The following ZEB2 variants were observed in gnomAD, a reference collection of about 807,000 sequenced individuals.
ZEB2 encodes the protein zinc finger E-box binding homeobox 2.
ZEB2 carries 6 observed loss-of-function variants against 99.9 expected under a neutral mutation model. That is an observed-to-expected ratio of 0.06 (90% CI 0.03 to 0.12). ZEB2 has a LOEUF of 0.12. ZEB2 is among the 10% of genes least tolerant of loss of function. The pLI, the probability that ZEB2 is intolerant of heterozygous loss-of-function variation, is 1.00. For missense variants in ZEB2, 969 were observed against 1,502.8 expected, an observed-to-expected ratio of 0.64 and a Z score of 5.87; for synonymous variants, 517 against 542.5, an observed-to-expected ratio of 0.95 and a Z score of 0.65.
intron 2 of ZEB2, among the ~76,000 whole-genome samples, chr2:144,475,129 A>T (rs574728952): frequency 6.6e-6 from 1 of 152,318 alleles, no homozygotes; most frequent in African/African-American, 2.4e-5. Flanking sequence ...CTTTGTCATA[A>T]TAAAAGTATG....
chr2:144,485,979 C>A (rs950229030), intron 2 of ZEB2, among the ~76,000 whole-genome samples: 1 of 152,174 alleles, frequency 6.6e-6, no homozygotes, highest in African/African-American at 2.4e-5. Flanking sequence ...TTTAAACCCT[C>A]TCCTTGGATA....
In ZEB2 at chr2:144,512,901, G is replaced by A. The variant is rs992862663; in HGVS notation, c.73+4377C>T. On this transcript the variant is annotated intron_variant, in intron 2 of 9. Transcript: ENST00000627532. ...AGAACTGGTACCTGCCACACAACCT[G>A]CCCCAGTGCTTTGAAAGTCAGCAAA... is the stretch of plus-strand genomic sequence containing the variant. 3.9e-6 allele frequency: 5 copies of A among 1,287,088 alleles called. No individual in the cohort carries two copies. In the African/African-American group the frequency reaches 7.6e-5, roughly 20 times the overall value. The allele number at this position is 1,287,088 out of a possible 1,614,324, so 79.7% of individuals were successfully genotyped here.
At chr2:144,430,704 G>T in intron 2 of ZEB2, 1 of 161,562 alleles carries the variant, frequency 6.2e-6, no homozygotes. Flanking sequence ...AGATTTCAAA[G>T]TGACACAGGC....
chr2:144,500,470 A>G (rs1355510326), intron 2 of ZEB2, among the ~76,000 whole-genome samples: 1 of 152,242 alleles, frequency 6.6e-6, no homozygotes, highest in African/African-American at 2.4e-5. Flanking sequence ...TTACAAATTG[A>G]TTGATACTGT....
intron 2 of ZEB2, among the ~76,000 whole-genome samples, chr2:144,501,922 T>C (rs1235581365): frequency 6.6e-6 from 1 of 152,352 alleles, no homozygotes; most frequent in East Asian, 1.9e-4. Context: ...CCTGATGTTA[T>C]ACAAAAACTA....
At chr2:144,450,385 AC>A (rs1246243896) in intron 2 of ZEB2, 1 of 152,228 alleles carries the variant, frequency 6.6e-6, no homozygotes, top group Non-Finnish European at 1.5e-5. Flanking sequence ...TGTAATTATA[AC>A]TCTTCAAAAA....
intron 4 of ZEB2, chr2:144,405,347 T>C (rs1247868659): frequency 4.4e-5 from 14 of 321,010 alleles, no homozygotes; most frequent in Admixed American, 1.4e-4. Context: ...AACAACTGCA[T>C]TCTAAGATCC....
At chr2:144,515,334 A>G (rs534859417) in intron 2 of ZEB2, among the ~76,000 whole-genome samples, 52 of 152,298 alleles carry the variant, frequency 3.4e-4, no homozygotes, top group Admixed American at 3.3e-3. Context: ...ACAGACATTG[A>G]TTTTAGAAAA....
chr2:144,424,479 T>C, intron 4 of ZEB2: 1 of 552,810 alleles, frequency 1.8e-6, no homozygotes, highest in Non-Finnish European at 3.4e-6. Context: ...AATTTTAAAA[T>C]AATTTTTTGC....
At chr2:144,407,686 T>C (rs759919894) in intron 4 of ZEB2, among the ~76,000 whole-genome samples, 17 of 152,232 alleles carry the variant, frequency 1.1e-4, no homozygotes, top group Non-Finnish European at 1.2e-4. Flanking sequence ...TTCAGTACTA[T>C]GACAGCACAA....
intron 2 of ZEB2, chr2:144,513,658 A>G: frequency 6.5e-7 from 1 of 1,534,698 alleles, no homozygotes; most frequent in East Asian, 2.4e-5. Context: ...GGGAGGCAGG[A>G]GGGAAGCAGG....
intron 4 of ZEB2, among the ~76,000 whole-genome samples, chr2:144,423,302 T>G (rs1292539363): frequency 6.6e-6 from 1 of 152,226 alleles, no homozygotes. Context: ...AGGCTGAAAT[T>G]TAACATTTAT....
At chr2:144,402,406 C>T (rs1487481292) in intron 6 of ZEB2, among the ~76,000 whole-genome samples, 1 of 152,022 alleles carries the variant, frequency 6.6e-6, no homozygotes, top group Non-Finnish European at 1.5e-5. Context: ...ACAGCAGCAA[C>T]CTTCAAAGAT....
At chr2:144,436,207 C>T (rs1473822274) in intron 2 of ZEB2, among the ~76,000 whole-genome samples, 1 of 151,980 alleles carries the variant, frequency 6.6e-6, no homozygotes, top group Admixed American at 6.6e-5. Flanking sequence ...AGGGACCATG[C>T]CAATTTGAAA....
chr2:144,497,379 G>A (rs982539827), intron 2 of ZEB2, among the ~76,000 whole-genome samples: 1 of 152,154 alleles, frequency 6.6e-6, no homozygotes, highest in East Asian at 1.9e-4. Context: ...ACCTCAGCCA[G>A]AGCCTGCACA....
In ZEB2 at chr2:144,385,465, CAATGT is replaced by C. The variant is rs1359505085; in HGVS notation, c.*3981_*3985del. On this transcript the variant is annotated 3_prime_UTR_variant, in exon 10 of 10. Coordinates refer to ENST00000627532, the MANE Select transcript of ZEB2 (RefSeq NM_014795.4). Reference sequence around the variant, plus strand: ...TTTAGTGCTATGATTGATGAACATGCAATGTGAGATTCAAATAATTGCATTGAGCA... The same window carrying C: ...TTTAGTGCTATGATTGATGAACATGCGAGATTCAAATAATTGCATTGAGCA... The C allele has an allele frequency of 6.6e-6, 1 of 152,040 alleles. No homozygotes were observed. The highest frequency in any genetic ancestry group is 1.9e-4 in the East Asian group (1 of 5,188). The allele number at this position is 152,040 out of a possible 1,614,324, so 9.4% of individuals were successfully genotyped here.
chr2:144,517,171 G>A, intron 2 of ZEB2, 107 bp downstream of exon 2: 3 of 1,473,268 alleles, frequency 2.0e-6, no homozygotes, highest in Non-Finnish European at 2.8e-6. Flanking sequence ...AGAGCCCTGG[G>A]CGCCGCCGCC....
chr2:144,493,478 G>T (rs1704711674), intron 2 of ZEB2, among the ~76,000 whole-genome samples: 1 of 152,238 alleles, frequency 6.6e-6, no homozygotes, highest in Non-Finnish European at 1.5e-5. Flanking sequence ...GGCAGAATCA[G>T]AATGTGGACA....
chr2:144,411,057 CTATATA>C (rs4008310), intron 4 of ZEB2, among the ~76,000 whole-genome samples: 4,021 of 40,762 alleles, frequency 0.099, 109 homozygotes, highest in Middle Eastern at 0.16. Context: ...ACAGACATGT[CTATATA>C]TATATATATA....
Sources: allele counts gnomAD v4.1 joint callset (sites outside exome capture counted in the v4.1 genomes callset), GRCh38; gene constraint gnomAD v4.1.1; transcripts MANE v1.5; gene names NCBI Gene and HGNC (gene_info 2026-07-23, HGNC 2026-07-21).